The following WWP1 variants were observed in gnomAD, a reference collection of about 807,000 sequenced individuals.
WWP1 encodes NEDD4-like E3 ubiquitin-protein ligase WWP1.
Under a neutral mutation model 130.6 loss-of-function variants are expected in WWP1, and 49 were observed. The ratio of observed to expected loss-of-function variants is 0.38; its 90% CI spans 0.30 to 0.48. The LOEUF (loss-of-function observed/expected upper bound fraction) is 0.48, where lower values mean the gene tolerates loss of function less well. Among genes scored for constraint, WWP1 ranks in the 20% least tolerant of loss-of-function variants. The pLI is 0.99. For missense variants in WWP1, 809 were observed against 1,100.6 expected (o/e 0.74, Z 3.75); for synonymous variants, 332 against 367.8 (o/e 0.90, Z 1.11).
At chr8:86,446,977 T>C (rs1316380590) in intron 18 of WWP1, among the ~76,000 whole-genome samples, 1 of 152,180 alleles carries the variant, frequency 6.6e-6, no homozygotes, top group Non-Finnish European at 1.5e-5. Flanking sequence ...GGAAGTAAGA[T>C]CATCAACTCA....
At chr8:86,346,766 A>G (rs7833543) in intron 1 of WWP1, among the ~76,000 whole-genome samples, 6,214 of 152,314 alleles carry the variant, frequency 0.041, 183 homozygotes, top group African/African-American at 0.071. Flanking sequence ...GGAAAATCCA[A>G]TAAATTGCCC....
chr8:86,369,378 A>G (rs17681826), intron 2 of WWP1, among the ~76,000 whole-genome samples: 22,577 of 152,172 alleles, frequency 0.15, 1,820 homozygotes, highest in Non-Finnish European at 0.19. Flanking sequence ...TTTTTTAACT[A>G]TCTCTCATGG....
intron 22 of WWP1, 79 bp downstream of exon 22, chr8:86,458,104 A>AT (rs1368270503): frequency 8.4e-7 from 1 of 1,194,056 alleles, no homozygotes; most frequent in Non-Finnish European, 1.2e-6. Flanking sequence ...ATAGCTTATT[A>AT]TTTTTAATTG....
At chr8:86,349,001 A>T (rs1021500237) in intron 1 of WWP1, among the ~76,000 whole-genome samples, 1 of 152,154 alleles carries the variant, frequency 6.6e-6, no homozygotes. Context: ...CTTAGGGCTC[A>T]CAAGAGTACA....
intron 17 of WWP1, among the ~76,000 whole-genome samples, chr8:86,441,594 T>C (rs947970319): frequency 6.8e-6 from 1 of 146,774 alleles, no homozygotes; most frequent in Non-Finnish European, 1.5e-5. Flanking sequence ...CAATCCTGCC[T>C]TCTCATGTGG....
intron 5 of WWP1, among the ~76,000 whole-genome samples, chr8:86,393,056 A>T (rs1586340122): frequency 6.6e-6 from 1 of 152,280 alleles, no homozygotes; most frequent in South Asian, 2.1e-4. Flanking sequence ...ATAAGGTCAG[A>T]TGTTTATTAG....
intron 9 of WWP1, 71 bp downstream of exon 9, chr8:86,411,945 G>A (rs1586389240): frequency 7.4e-7 from 1 of 1,355,504 alleles, no homozygotes; most frequent in African/African-American, 1.5e-5. Flanking sequence ...TATTGAATGT[G>A]TGCATAAAAT....
intron 5 of WWP1, among the ~76,000 whole-genome samples, chr8:86,382,809 A>C (rs561728518): frequency 2.6e-5 from 4 of 152,260 alleles, no homozygotes; most frequent in African/African-American, 9.6e-5. Context: ...AGTAGCTTGT[A>C]ACAGTTCACT....
rs573759055 is a variant in WWP1 at position 86,378,597 on chromosome 8, A to G, written c.71-2129A>G. On this transcript the variant is annotated intron_variant, in intron 3 of 24. Transcript: ENST00000517970. The stretch of plus-strand genomic sequence containing the variant: ...AAAATCTATATATTCTACTAACTAG[A>G]ACAACTTTTTGAATTAATAAGGTTG... Among the ~76,000 whole-genome samples, 6 of 152,326 alleles carry G rather than the reference A, an allele frequency of 3.9e-5. No individual in the cohort carries two copies. The South Asian group carries it at 1.0e-3, about 26-fold the overall frequency.
At chr8:86,433,921 G>GA (rs529439522) in intron 14 of WWP1, among the ~76,000 whole-genome samples, 166 of 141,682 alleles carry the variant, frequency 1.2e-3, no homozygotes, top group Admixed American at 1.5e-3. Flanking sequence ...TCCATCTTAG[G>GA]AAAAAAAAAA....
At chr8:86,426,887 G>T (rs1392828091) in intron 10 of WWP1, among the ~76,000 whole-genome samples, 2 of 152,226 alleles carry the variant, frequency 1.3e-5, no homozygotes, top group African/African-American at 4.8e-5. Flanking sequence ...GGCCGGGCAT[G>T]GTGGCTCATG....
At chr8:86,418,732 C>T (rs1809028976) in intron 9 of WWP1, among the ~76,000 whole-genome samples, 1 of 152,154 alleles carries the variant, frequency 6.6e-6, no homozygotes, top group African/African-American at 2.4e-5. Flanking sequence ...ACACCAGGCA[C>T]ATTGGAGGTC....
At chr8:86,381,353 G>A (rs1441506825) in intron 4 of WWP1, 152 bp from the exon 5 acceptor site, 2 of 933,846 alleles carry the variant, frequency 2.1e-6, no homozygotes, top group Non-Finnish European at 3.1e-6. Context: ...GATTCAAGTA[G>A]TTTCCTGTTT....
At chr8:86,424,590 G>T (rs756634471) in intron 9 of WWP1, among the ~76,000 whole-genome samples, 2 of 151,926 alleles carry the variant, frequency 1.3e-5, no homozygotes, top group African/African-American at 4.8e-5. Context: ...ATCACTCGCC[G>T]TTAGGAGCTG....
rs578062233 is a variant in WWP1, at chr8:86,442,997, A to G, written c.1998+219A>G. On this transcript the variant is annotated intron_variant, in intron 18 of 24. Transcript: ENST00000517970. The stretch of plus-strand genomic sequence containing the variant: ...ATGTTTATACAGCCACTTAGTCTTT[A>G]AAAGTCCTTTCATTTTTAAATTTAA... 1.3e-4 allele frequency among the ~76,000 whole-genome samples: 20 copies of G among 152,298 alleles called. 1 individual carries two copies. In the South Asian group the frequency reaches 4.1e-3, roughly 32 times the overall value.
At chr8:86,379,928 A>G (rs1245141267) in intron 3 of WWP1, among the ~76,000 whole-genome samples, 1 of 152,184 alleles carries the variant, frequency 6.6e-6, no homozygotes, top group Non-Finnish European at 1.5e-5. Flanking sequence ...GGAATATAAA[A>G]TGGTGCAGCC....
intron 5 of WWP1, among the ~76,000 whole-genome samples, chr8:86,394,636 G>A (rs1054098000): frequency 1.3e-5 from 2 of 152,174 alleles, no homozygotes; most frequent in South Asian, 2.1e-4. Flanking sequence ...CTGGCACACC[G>A]TAGGCACTCA....
At chr8:86,402,638 A>G (rs1808056734) in intron 8 of WWP1, among the ~76,000 whole-genome samples, 3 of 152,190 alleles carry the variant, frequency 2.0e-5, no homozygotes, top group Admixed American at 1.3e-4. Flanking sequence ...GAATTTAAAA[A>G]TTACAATGCC....
intron 20 of WWP1, 82 bp from the exon 21 acceptor site, chr8:86,452,477 G>T: frequency 8.1e-7 from 1 of 1,232,630 alleles, no homozygotes; most frequent in South Asian, 1.5e-5. Flanking sequence ...AAAAGAGAAA[G>T]AACTATAGAA....
Sources: gnomAD v4.1 joint callset for allele counts (sites outside exome capture counted in the v4.1 genomes callset) on GRCh38, gnomAD v4.1.1 for gene constraint, MANE v1.5 for transcripts, NCBI Gene and HGNC (gene_info 2026-07-23, HGNC 2026-07-21) for gene names.